GNB4: variants seen among roughly 807,000 people sequenced by gnomAD.
The protein encoded by GNB4 is guanine nucleotide-binding protein subunit beta-4.
In GNB4, 28 loss-of-function variants were observed where a neutral mutation model predicts 45.2. The observed-to-expected ratio is 0.62, with a 90% CI of 0.46 to 0.85. The LOEUF (loss-of-function observed/expected upper bound fraction) is 0.85. Among genes scored for constraint, GNB4 ranks in the 40% least tolerant of loss-of-function variants. The pLI, the probability that GNB4 is intolerant of heterozygous loss-of-function variation, is 0.00. For missense variants in GNB4, 321 were observed against 425.4 expected, an observed-to-expected ratio of 0.75 and a Z score of 2.16; for synonymous variants, 132 against 143.7, an observed-to-expected ratio of 0.92 and a Z score of 0.58.
At chr3:179,440,316 CTTCTT>C (rs1466601118) in intron 1 of GNB4, among the ~76,000 whole-genome samples, 37 of 152,234 alleles carry the variant, frequency 2.4e-4, no homozygotes, top group African/African-American at 8.9e-4. Context: ...ACCAAGCTGT[CTTCTT>C]TTATCTTGAA....
chr3:179,465,637 T>C, the GNB4 span, among the ~76,000 whole-genome samples: 8 of 152,204 alleles, frequency 5.3e-5, no homozygotes, highest in African/African-American at 1.9e-4. Context: ...TTTTTCTTTT[T>C]TAATAAAACA....
chr3:179,410,007 A>G (rs1714604519), intron 8 of GNB4, among the ~76,000 whole-genome samples: 1 of 152,050 alleles, frequency 6.6e-6, no homozygotes. Context: ...TTCTTGTGAC[A>G]GTGAGTTCTC....
intron 2 of GNB4, among the ~76,000 whole-genome samples, chr3:179,422,939 C>T (rs543491514): frequency 1.3e-5 from 2 of 152,036 alleles, no homozygotes; most frequent in South Asian, 4.2e-4. Flanking sequence ...ACTATAGGTA[C>T]CCACCACCAC....
At chr3:179,468,031 T>TTA in the GNB4 span, among the ~76,000 whole-genome samples, 6,824 of 64,534 alleles carry the variant, frequency 0.11, 1,131 homozygotes, top group Middle Eastern at 0.18. Context: ...ATTTTGTTGA[T>TTA]AAAAATATAT....
At chr3:179,519,837 C>T in the GNB4 span, among the ~76,000 whole-genome samples, 5 of 152,180 alleles carry the variant, frequency 3.3e-5, no homozygotes, top group African/African-American at 7.2e-5. Flanking sequence ...TTACCCTGCT[C>T]AATGCCAATA....
At chr3:179,447,267 AGAGT>A (rs1715757269) in intron 1 of GNB4, among the ~76,000 whole-genome samples, 1 of 150,868 alleles carries the variant, frequency 6.6e-6, no homozygotes, top group East Asian at 2.0e-4. Context: ...AGGCTGGAAG[AGAGT>A]GAGCAGGGCA....
At chr3:179,477,882 C>T in the GNB4 span, among the ~76,000 whole-genome samples, 1 of 152,170 alleles carries the variant, frequency 6.6e-6, no homozygotes, top group African/African-American at 2.4e-5. Flanking sequence ...TCCAAAGTCT[C>T]TTCTATAGTT....
At chr3:179,446,013 A>G (rs983444050) in intron 1 of GNB4, among the ~76,000 whole-genome samples, 2 of 152,230 alleles carry the variant, frequency 1.3e-5, no homozygotes, top group Non-Finnish European at 2.9e-5. Flanking sequence ...GTGTAGAAAC[A>G]TTTCATGTGA....
the GNB4 span, among the ~76,000 whole-genome samples, chr3:179,524,600 CT>C: frequency 1.3e-5 from 2 of 151,996 alleles, no homozygotes; most frequent in Non-Finnish European, 2.9e-5. Context: ...ATTTTTTGAG[CT>C]TTTTTTAAAT....
At chr3:179,438,075 AAAAAAG>A (rs1011133093) in intron 1 of GNB4, among the ~76,000 whole-genome samples, 4 of 151,934 alleles carry the variant, frequency 2.6e-5, no homozygotes, top group African/African-American at 9.7e-5. Context: ...TCATCTCAAA[AAAAAAG>A]AAAAAGAAAA....
At chr3:179,462,522 A>G in the GNB4 span, among the ~76,000 whole-genome samples, 1 of 152,118 alleles carries the variant, frequency 6.6e-6, no homozygotes, top group Non-Finnish European at 1.5e-5. Flanking sequence ...ACTTTTCTGA[A>G]CTTCTTTTTT....
the GNB4 span, among the ~76,000 whole-genome samples, chr3:179,493,966 G>A: frequency 6.6e-6 from 1 of 152,228 alleles, no homozygotes; most frequent in East Asian, 1.9e-4. Context: ...CACCCATGGA[G>A]GCCACAGGAA....
chr3:179,484,311 T>C, the GNB4 span, among the ~76,000 whole-genome samples: 1 of 152,226 alleles, frequency 6.6e-6, no homozygotes, highest in Non-Finnish European at 1.5e-5. Context: ...GTTCTGTTCC[T>C]CCAGATAAAA....
At chr3:179,427,343 G>A (rs1183065018) in intron 1 of GNB4, among the ~76,000 whole-genome samples, 4 of 151,930 alleles carry the variant, frequency 2.6e-5, no homozygotes, top group Non-Finnish European at 5.9e-5. Flanking sequence ...GGTGGCTCAC[G>A]CCTGTAATCC....
the GNB4 span, among the ~76,000 whole-genome samples, chr3:179,463,344 T>C: frequency 3.3e-5 from 5 of 152,260 alleles, no homozygotes; most frequent in South Asian, 4.1e-4. Flanking sequence ...ATTTCTCATA[T>C]TGTTTAAGAA....
Position 179,397,654 on chromosome 3 carries a change from A to T in GNB4, c.*3559T>A, listed in dbSNP as rs1013325028. 5 of 152,682 alleles carry T rather than the reference A, an allele frequency of 3.3e-5. No homozygotes were observed. Among genetic ancestry groups the T allele is most frequent in the African/African-American group, 1.2e-4 (5 of 41,462 alleles). 9.5% of individuals were successfully genotyped at this position (152,682 alleles called of 1,614,324 possible). On this transcript the variant is annotated 3_prime_UTR_variant, in exon 10 of 10. Transcript: ENST00000232564. ...CTTGAGCTAGGGAGGAACCTTGGAT[A>T]TTCAGTCTACATCTCAAACAGCATA...
chr3:179,502,895 A>G, the GNB4 span, among the ~76,000 whole-genome samples: 2 of 152,334 alleles, frequency 1.3e-5, no homozygotes, highest in East Asian at 3.9e-4. Context: ...GCTAGAGTGC[A>G]GTGGTATGAT....
the GNB4 span, among the ~76,000 whole-genome samples, chr3:179,520,796 A>G: frequency 6.6e-6 from 1 of 151,842 alleles, no homozygotes; most frequent in Non-Finnish European, 1.5e-5. Flanking sequence ...CCATTTCCCC[A>G]AATTTCCTTC....
At chr3:179,509,532 G>A in the GNB4 span, among the ~76,000 whole-genome samples, 5 of 152,076 alleles carry the variant, frequency 3.3e-5, no homozygotes, top group Admixed American at 6.6e-5. Context: ...ATCCCACGCA[G>A]TCTCCACGTA....
Sources: allele counts gnomAD v4.1 joint callset (sites outside exome capture counted in the v4.1 genomes callset), GRCh38; gene constraint gnomAD v4.1.1; transcripts MANE v1.5; gene names NCBI Gene and HGNC (gene_info 2026-07-23, HGNC 2026-07-21).